The following TMEM130 variants were observed in gnomAD, a reference collection of about 807,000 sequenced individuals.
TMEM130 encodes the protein transmembrane protein 130.
A neutral mutation model predicts 42.9 loss-of-function variants in TMEM130; 37 were observed. That is an observed-to-expected ratio of 0.86 (90% CI 0.66 to 1.13). The LOEUF (loss-of-function observed/expected upper bound fraction) is 1.13. Ranked by LOEUF, TMEM130 falls within the 50% of genes most tolerant of loss-of-function variation. The pLI is 0.00. For missense variants in TMEM130, 545 were observed against 562.6 expected (o/e 0.97, Z 0.32); for synonymous variants, 259 against 237.7 (o/e 1.09, Z -0.82).
At position 98,869,482 on chromosome 7, in the gene TMEM130, A is replaced by G; in HGVS notation, c.85+295T>C. On this transcript the variant is annotated intron_variant, in intron 1 of 7. Transcript: ENST00000339375. The surrounding 1 kb of genome is among the most constrained non-coding windows in gnomAD (Gnocchi z 4.7). The stretch of plus-strand genomic sequence containing the variant: ...GCGGGTGCATGGTCCCCAGGCATCG[A>G]CGGATGCGCCGGCCACCCCCGCGCG... 1 of 818,942 alleles carries G rather than the reference A, an allele frequency of 1.2e-6. No homozygotes were observed. Among genetic ancestry groups the G allele is most frequent in the Non-Finnish European group, 1.5e-6 (1 of 677,750 alleles). 50.7% of individuals were successfully genotyped at this position (818,942 alleles called of 1,614,324 possible). A position where few individuals can be genotyped will look rare whatever the true frequency, so the allele number is the denominator to read the frequency against.
intron 5 of TMEM130, among the ~76,000 whole-genome samples, chr7:98,854,644 G>A (rs550181939): frequency 6.6e-6 from 1 of 152,330 alleles, no homozygotes; most frequent in East Asian, 1.9e-4. Context: ...GGCTGAGGCA[G>A]GAGAATCATT....
At chr7:98,864,548 G>T (rs1554400388) in intron 1 of TMEM130, among the ~76,000 whole-genome samples, 1 of 151,644 alleles carries the variant, frequency 6.6e-6, no homozygotes, top group African/African-American at 2.4e-5. Flanking sequence ...GACAGTGCTG[G>T]TCTCATGCCT....
At chr7:98,859,495 T>C (rs951042027) in intron 3 of TMEM130, among the ~76,000 whole-genome samples, 3 of 151,978 alleles carry the variant, frequency 2.0e-5, no homozygotes, top group Non-Finnish European at 4.4e-5. Context: ...AGTGGCTGAT[T>C]CACCAGTGTT....
Position 98,869,685 on chromosome 7 carries a change from A to G in TMEM130, c.85+92T>C. 2 of 983,784 alleles carry G rather than the reference A, an allele frequency of 2.0e-6. No individual in the cohort carries two copies. Among genetic ancestry groups the G allele is most frequent in the Non-Finnish European group, 2.7e-6 (2 of 739,196 alleles). The allele number at this position is 983,784 out of a possible 1,614,324, so 60.9% of individuals were successfully genotyped here. ...CAGGGCGCACGGTGCCACCTCCGCA[A>G]TCCCTGCTCCCGGGCCCACTCGCCC... On this transcript the variant is annotated intron_variant, in intron 1 of 7. Coordinates refer to ENST00000339375, the MANE Select transcript of TMEM130 (RefSeq NM_152913.3). This position sits in a 1 kb window ranked among gnomAD's most constrained non-coding sequence, Gnocchi z 4.7.
intron 5 of TMEM130, among the ~76,000 whole-genome samples, chr7:98,854,008 C>A (rs1554398592): frequency 6.6e-6 from 1 of 151,456 alleles, no homozygotes; most frequent in Non-Finnish European, 1.5e-5. Context: ...GAGGGCAGAA[C>A]AGATTTGCTT....
intron 1 of TMEM130, chr7:98,866,700 G>T (rs1794917224): frequency 6.6e-6 from 1 of 152,234 alleles, no homozygotes; most frequent in African/African-American, 2.4e-5. Flanking sequence ...ACCTGTCCCT[G>T]TGGGGGACTC....
At chr7:98,859,339 G>A (rs1794703284) in intron 3 of TMEM130, among the ~76,000 whole-genome samples, 1 of 152,126 alleles carries the variant, frequency 6.6e-6, no homozygotes, top group Non-Finnish European at 1.5e-5. Flanking sequence ...GAGCACCTGG[G>A]TTCTACCTCG....
intron 1 of TMEM130, among the ~76,000 whole-genome samples, chr7:98,863,829 T>C (rs1490037016): frequency 1.3e-5 from 2 of 150,284 alleles, no homozygotes; most frequent in African/African-American, 2.5e-5. Context: ...TTTTCTCCCT[T>C]CCTTCCTTCC....
At chr7:98,850,641 TG>T (rs1227257664) in intron 6 of TMEM130, among the ~76,000 whole-genome samples, 1 of 152,024 alleles carries the variant, frequency 6.6e-6, no homozygotes, top group Admixed American at 6.6e-5. Flanking sequence ...CTCAGACTCC[TG>T]GGTTCAATCA....
At chr7:98,860,845 A>G (rs1794755299) in intron 2 of TMEM130, among the ~76,000 whole-genome samples, 1 of 147,280 alleles carries the variant, frequency 6.8e-6, no homozygotes, top group African/African-American at 2.5e-5. Context: ...TGGGAGGCTG[A>G]GGGAGGAGAA....
In TMEM130 at chr7:98,869,793, CG is replaced by C; in HGVS notation, c.68del (p.Pro23ArgfsTer25). 2 of 1,428,458 alleles carry C rather than the reference CG, an allele frequency of 1.4e-6. No homozygotes were observed. The highest frequency in any genetic ancestry group is 1.4e-5 in the South Asian group (1 of 69,956). 88.5% of individuals were successfully genotyped at this position (1,428,458 alleles called of 1,614,324 possible). On this transcript the variant is annotated frameshift_variant, in exon 1 of 8. Transcript: ENST00000339375. LOFTEE classifies it high-confidence loss of function. This position sits in a 1 kb window ranked among gnomAD's most constrained non-coding sequence, Gnocchi z 4.7. ...GCGCCTTACCTGCGGCCACCCCTGC[CG>C]GGGCCCAGGGCAGGAGGCAGGCAAG... ...LWLACLLPWA[P>X]AGVAAGLYEL... is the part of the protein sequence containing the mutation.
At chr7:98,867,010 T>A (rs559978840) in intron 1 of TMEM130, 1 of 152,170 alleles carries the variant, frequency 6.6e-6, no homozygotes, top group African/African-American at 2.4e-5. Context: ...GGCAGGAGGA[T>A]CTCTTGAGCC....
chr7:98,867,646 G>A (rs941677362), intron 1 of TMEM130, among the ~76,000 whole-genome samples: 1 of 152,166 alleles, frequency 6.6e-6, no homozygotes, highest in African/African-American at 2.4e-5. Flanking sequence ...GGACTGGGAG[G>A]GGGGATGGGG....
chr7:98,862,737 C>A (rs1002333324), intron 2 of TMEM130, among the ~76,000 whole-genome samples: 1 of 152,060 alleles, frequency 6.6e-6, no homozygotes, highest in African/African-American at 2.4e-5. Context: ...TGATCTCAGG[C>A]GATCCACCTG....
chr7:98,860,130 G>T (rs1418507218), intron 3 of TMEM130, 49 bp downstream of exon 3: 3 of 1,581,346 alleles, frequency 1.9e-6, no homozygotes, highest in Non-Finnish European at 2.6e-6. Flanking sequence ...GCGCGGGACA[G>T]TGGGGCACCA....
rs930732173 is a variant in TMEM130, at chr7:98,860,197, C to T, written c.533G>A (p.Ser178Asn). The change falls in exon 3 of 8, where the codon AGC becomes AAC. Residue 178 changes from serine (S) to asparagine (N), a missense_variant. By Grantham distance (46) the Ser-to-Asn change is conservative (BLOSUM62 1). Transcript: ENST00000339375. ...GACCTACCCGTCCCCGAAGTCCCAG[C>T]TGTAGAGAAACAAGGCGGTCTTGAG... Reference protein sequence around the residue: ...NFLKTALFLYSWDFGDGTQMV... With the variant: ...NFLKTALFLYNWDFGDGTQMV... The T allele has an allele frequency of 3.7e-6, 6 of 1,613,436 alleles. No homozygotes were observed. Among genetic ancestry groups the T allele is most frequent in the Non-Finnish European group, 5.1e-6 (6 of 1,179,626 alleles).
chr7:98,850,273 A>ATATATTTTTTT, intron 6 of TMEM130, among the ~76,000 whole-genome samples: 1 of 35,466 alleles, frequency 2.8e-5, no homozygotes, highest in African/African-American at 7.6e-5. Context: ...ATATATATAT[A>ATATATTTTTTT]TTTTTTTTTT....
At chr7:98,865,601 T>C (rs1584246515) in intron 1 of TMEM130, among the ~76,000 whole-genome samples, 1 of 151,920 alleles carries the variant, frequency 6.6e-6, no homozygotes. Flanking sequence ...AGAGCGAAAC[T>C]GTCTCAAAAA....
chr7:98,863,399 G>A lies in TMEM130; in HGVS notation c.87C>T (p.Gly29=), dbSNP rs1231443031. The change falls in exon 2 of 8, where the codon GGC becomes GGT. Residue 29 remains glycine, a splice_region_variant and synonymous_variant. Transcript: ENST00000339375. ...CGGTGGTGAGATTGAGTTCATACAG[G>A]CCTAGGAGCCCAGAAACAAAGACTG... ...LPWAPAGVAA[G]LYELNLTTDS... 6.4e-7 allele frequency: 1 copy of A among 1,571,880 alleles called. No individual in the cohort carries two copies. Among genetic ancestry groups the A allele is most frequent in the Non-Finnish European group, 8.6e-7 (1 of 1,161,626 alleles).
Sources: allele counts gnomAD v4.1 joint callset (sites outside exome capture counted in the v4.1 genomes callset), GRCh38; gene constraint gnomAD v4.1.1; non-coding constraint Gnocchi (gnomAD v3.1); transcripts MANE v1.5; gene names NCBI Gene and HGNC (gene_info 2026-07-23, HGNC 2026-07-21).